The following NELL2 variants were observed in gnomAD, a reference collection of about 807,000 sequenced individuals.
The protein encoded by NELL2 is neural EGFL like 2.
NELL2 carries 41 observed loss-of-function variants against 109.6 expected under a neutral mutation model. The observed-to-expected ratio is 0.37, with a 90% CI of 0.29 to 0.49. The LOEUF (loss-of-function observed/expected upper bound fraction) is 0.49. Among genes scored for constraint, NELL2 ranks in the 20% least tolerant of loss-of-function variants. NELL2 has a pLI of 0.98. For synonymous variants in NELL2, 355 were observed against 344.7 expected (o/e 1.03, Z -0.33); for missense variants, 900 against 1,008.3 (o/e 0.89, Z 1.45).
intron 15 of NELL2, among the ~76,000 whole-genome samples, chr12:44,566,070 A>C (rs1943646391): frequency 6.6e-6 from 1 of 152,314 alleles, no homozygotes; most frequent in Non-Finnish European, 1.5e-5. Flanking sequence ...GCAATAGTTC[A>C]GATGAGGGAT....
At chr12:44,710,214 G>C (rs79395358) in intron 11 of NELL2, among the ~76,000 whole-genome samples, 9,056 of 152,152 alleles carry the variant, frequency 0.06, 892 homozygotes, top group African/African-American at 0.2. Context: ...TTTTAATAGA[G>C]TAAGTTAAAA....
intron 18 of NELL2, among the ~76,000 whole-genome samples, chr12:44,521,143 T>A (rs1225142641): frequency 6.6e-6 from 1 of 152,036 alleles, no homozygotes; most frequent in Non-Finnish European, 1.5e-5. Context: ...GTCATTACTT[T>A]CTTCTTACTT....
intron 2 of NELL2, among the ~76,000 whole-genome samples, chr12:44,839,834 T>C (rs1338476921): frequency 6.6e-6 from 1 of 152,214 alleles, no homozygotes; most frequent in Non-Finnish European, 1.5e-5. Context: ...GGATTGTTTT[T>C]CTATCAGTTG....
intron 16 of NELL2, among the ~76,000 whole-genome samples, chr12:44,523,833 G>C (rs527948661): frequency 1.3e-5 from 2 of 152,262 alleles, no homozygotes; most frequent in East Asian, 3.9e-4. Flanking sequence ...AATTCTAAAA[G>C]TGCCTATGAT....
chr12:44,762,278 C>A (rs1941158844), intron 9 of NELL2, among the ~76,000 whole-genome samples: 1 of 152,098 alleles, frequency 6.6e-6, no homozygotes, highest in Non-Finnish European at 1.5e-5. Context: ...CAATTACCAG[C>A]CTTTCCAATC....
At chr12:44,778,966 T>C (rs1941853688) in intron 5 of NELL2, among the ~76,000 whole-genome samples, 1 of 152,194 alleles carries the variant, frequency 6.6e-6, no homozygotes, top group African/African-American at 2.4e-5. Flanking sequence ...CTTATCATTG[T>C]TTGATTTGGT....
At chr12:44,611,206 G>C (rs572250635) in intron 13 of NELL2, among the ~76,000 whole-genome samples, 3 of 151,920 alleles carry the variant, frequency 2.0e-5, no homozygotes, top group Non-Finnish European at 4.4e-5. Flanking sequence ...GCCTACCAAC[G>C]GTTGCAAGAA....
At chr12:44,819,925 T>C (rs1427893809) in intron 2 of NELL2, among the ~76,000 whole-genome samples, 1 of 152,096 alleles carries the variant, frequency 6.6e-6, no homozygotes, top group East Asian at 1.9e-4. Flanking sequence ...CTCCCACCTA[T>C]AACGGAGAAA....
At chr12:44,588,629 A>G (rs1479394796) in intron 15 of NELL2, among the ~76,000 whole-genome samples, 1 of 152,218 alleles carries the variant, frequency 6.6e-6, no homozygotes, top group African/African-American at 2.4e-5. Context: ...AGTGTGGAAC[A>G]GGTCTAAACC....
At chr12:44,702,935 A>G (rs574274855) in intron 12 of NELL2, among the ~76,000 whole-genome samples, 8 of 152,224 alleles carry the variant, frequency 5.3e-5, no homozygotes, top group Non-Finnish European at 1.2e-4. Flanking sequence ...CCACAGATCT[A>G]TGACATATGC....
intron 2 of NELL2, among the ~76,000 whole-genome samples, chr12:44,839,895 A>G (rs1033260605): frequency 6.6e-6 from 1 of 152,160 alleles, no homozygotes; most frequent in Admixed American, 6.5e-5. Flanking sequence ...CCCATGACCA[A>G]TGTCACAACT....
rs563665767 is a variant in NELL2 at position 44,861,132 on chromosome 12, A to T, written c.184+14093T>A. On this transcript the variant is annotated intron_variant, in intron 2 of 19. Transcript: ENST00000429094. ...CTGGGTGTGGCACAGAACTAAGAAA[A>T]GGCATACTGAAGAGAGCAGTAAGGA... is the stretch of plus-strand genomic sequence containing the variant. 2.6e-5 allele frequency among the ~76,000 whole-genome samples: 4 copies of T among 152,312 alleles called. 1 individual carries two copies. The highest frequency in any genetic ancestry group is 9.6e-5 in the African/African-American group (4 of 41,574).
intron 15 of NELL2, among the ~76,000 whole-genome samples, chr12:44,565,764 T>C (rs184872213): frequency 2.6e-5 from 4 of 152,288 alleles, no homozygotes; most frequent in Admixed American, 6.5e-5. Flanking sequence ...GCTGAATACA[T>C]TACCCAACAA....
chr12:44,656,399 C>G (rs11615822), intron 13 of NELL2, among the ~76,000 whole-genome samples: 1 of 152,122 alleles, frequency 6.6e-6, no homozygotes, highest in South Asian at 2.1e-4. Context: ...TGCTCCAACA[C>G]AGCTATCTCA....
At chr12:44,815,336 G>T (rs1943307616) in intron 3 of NELL2, among the ~76,000 whole-genome samples, 1 of 152,186 alleles carries the variant, frequency 6.6e-6, no homozygotes. Flanking sequence ...GTCTGTCAAT[G>T]ATTACAATTA....
chr12:44,614,151 C>T (rs1268671767), intron 13 of NELL2, among the ~76,000 whole-genome samples: 1 of 151,952 alleles, frequency 6.6e-6, no homozygotes, highest in Non-Finnish European at 1.5e-5. Context: ...TTCATATCCT[C>T]AGTAAAAATT....
chr12:44,625,590 A>G lies in NELL2; in HGVS notation c.1445-14620T>C, dbSNP rs556740001. ...TATTGATTGAATGTTTTCATGCATT[A>G]AAAAAAATGGAGCAGGTTGGCATGA... is the stretch of plus-strand genomic sequence containing the variant. On this transcript the variant is annotated intron_variant, in intron 13 of 19. Coordinates refer to ENST00000429094, the MANE Select transcript of NELL2 (RefSeq NM_001145108.2). Among the ~76,000 whole-genome samples the G allele has an allele frequency of 1.4e-4, 22 of 151,826 alleles. No individual in the cohort carries two copies. The South Asian group carries it at 3.7e-3, about 26-fold the overall frequency.
intron 9 of NELL2, among the ~76,000 whole-genome samples, chr12:44,746,103 T>C (rs2136513694): frequency 6.6e-6 from 1 of 152,216 alleles, no homozygotes; most frequent in East Asian, 1.9e-4. Context: ...AACAGAGATA[T>C]AGACCAATGG....
chr12:44,555,624 A>G (rs906280746), intron 15 of NELL2, among the ~76,000 whole-genome samples: 4 of 152,160 alleles, frequency 2.6e-5, no homozygotes, highest in African/African-American at 9.7e-5. Context: ...CTTTCAACCC[A>G]TGATAAATTT....
Sources: gnomAD v4.1 joint callset for allele counts (sites outside exome capture counted in the v4.1 genomes callset) on GRCh38, gnomAD v4.1.1 for gene constraint, MANE v1.5 for transcripts, NCBI Gene and HGNC (gene_info 2026-07-23, HGNC 2026-07-21) for gene names.